Variants in MARK3 observed in about 807,000 individuals in gnomAD.
The protein encoded by MARK3 is MAP/microtubule affinity-regulating kinase 3.
MARK3 carries 46 observed loss-of-function variants against 90.1 expected under a neutral mutation model. The observed-to-expected ratio is 0.51, with a 90% CI of 0.40 to 0.65. The LOEUF is 0.65. Ranked by LOEUF, MARK3 falls within the 30% of genes least tolerant of loss-of-function variation. The probability of loss-of-function intolerance (pLI) is 0.00; values close to 1 mark genes in which losing one functional copy is unlikely to be tolerated. For synonymous variants in MARK3, 321 were observed against 332.6 expected, an observed-to-expected ratio of 0.97 and a Z score of 0.38; for missense variants, 818 against 947.2, an observed-to-expected ratio of 0.86 and a Z score of 1.79.
intron 2 of MARK3, among the ~76,000 whole-genome samples, chr14:103,405,504 C>T (rs914034390): frequency 3.3e-5 from 5 of 152,138 alleles, no homozygotes; most frequent in Non-Finnish European, 7.4e-5. Context: ...GTGCCCGCCA[C>T]CACACCCAGC....
At chr14:103,410,176 T>G (rs2091547105) in intron 2 of MARK3, among the ~76,000 whole-genome samples, 1 of 152,116 alleles carries the variant, frequency 6.6e-6, no homozygotes, top group African/African-American at 2.4e-5. Context: ...AGATAAGAAA[T>G]TTATTTCTTA....
At chr14:103,474,033 A>T (rs971288990) in intron 12 of MARK3, among the ~76,000 whole-genome samples, 1 of 117,168 alleles carries the variant, frequency 8.5e-6, no homozygotes, top group Non-Finnish European at 1.9e-5. Context: ...CGTCTCTACT[A>T]AAAAAAAAAA....
At chr14:103,463,409 C>T (rs894022450) in intron 7 of MARK3, among the ~76,000 whole-genome samples, 10 of 152,146 alleles carry the variant, frequency 6.6e-5, no homozygotes, top group African/African-American at 2.4e-4. Flanking sequence ...ACGGCCAGAG[C>T]ACTCTTCTGG....
At chr14:103,452,883 A>G (rs963135258) in intron 5 of MARK3, among the ~76,000 whole-genome samples, 20 of 152,192 alleles carry the variant, frequency 1.3e-4, no homozygotes, top group African/African-American at 1.2e-4. Flanking sequence ...ATAATACTCC[A>G]TTGTGTGTGT....
intron 14 of MARK3, among the ~76,000 whole-genome samples, chr14:103,487,356 A>T (rs1213584696): frequency 6.6e-6 from 1 of 151,840 alleles, no homozygotes; most frequent in Admixed American, 6.6e-5. Context: ...TAATGAGAAA[A>T]TAAATTTACA....
intron 3 of MARK3, among the ~76,000 whole-genome samples, chr14:103,442,681 A>G (rs1045589456): frequency 1.3e-5 from 2 of 152,226 alleles, no homozygotes; most frequent in Admixed American, 6.5e-5. Flanking sequence ...AAATTACAGT[A>G]TATCTAGGAA....
At chr14:103,462,488 A>G (rs1366159045) in intron 7 of MARK3, 27 bp downstream of exon 7, 12 of 1,557,544 alleles carry the variant, frequency 7.7e-6, no homozygotes, top group South Asian at 1.1e-5. Flanking sequence ...CACTCAGTGT[A>G]TGCTCTGTCT....
chr14:103,431,976 T>C (rs1951391), intron 3 of MARK3, among the ~76,000 whole-genome samples: 44,958 of 147,398 alleles, frequency 0.31, 7,113 homozygotes, highest in Middle Eastern at 0.44. Context: ...TGGAATTGTT[T>C]CCCCCCTCCC....
At chr14:103,434,658 C>T (rs1283263395) in intron 3 of MARK3, among the ~76,000 whole-genome samples, 1 of 152,168 alleles carries the variant, frequency 6.6e-6, no homozygotes, top group South Asian at 2.1e-4. Flanking sequence ...TCGAAATTTA[C>T]ATCAAGCTGT....
intron 3 of MARK3, among the ~76,000 whole-genome samples, chr14:103,442,729 A>T (rs2092889588): frequency 1.3e-5 from 2 of 152,358 alleles, no homozygotes; most frequent in South Asian, 4.1e-4. Context: ...CCTATGTAAT[A>T]CTGCTTTTTG....
intron 2 of MARK3, among the ~76,000 whole-genome samples, chr14:103,426,909 A>ATTTT (rs758359539): frequency 3.4e-5 from 5 of 145,838 alleles, no homozygotes; most frequent in African/African-American, 7.7e-5. Context: ...AAAAAAAAAA[A>ATTTT]TTTTTAAAGT....
At chr14:103,405,039 C>G (rs1382015836) in intron 1 of MARK3, 37 bp from the exon 2 acceptor site, 3 of 1,557,966 alleles carry the variant, frequency 1.9e-6, no homozygotes, top group East Asian at 2.3e-5. Context: ...ACTCTGTGTT[C>G]TCTCATTTCC....
In MARK3 at chr14:103,455,101, A is replaced by G. The variant is rs141273303; in HGVS notation, c.413-2041A>G. Among the ~76,000 whole-genome samples the G allele has an allele frequency of 5.5e-3, 843 of 152,342 alleles. 7 individuals carry two copies. The highest frequency in any genetic ancestry group is 0.019 in the African/African-American group (789 of 41,586). Reference sequence around the variant, plus strand: ...TATGAGTGTGACATATGGTTCCACAAATCTCTTAAGAGGTTTGTATTGAAT... The same window carrying G: ...TATGAGTGTGACATATGGTTCCACAGATCTCTTAAGAGGTTTGTATTGAAT... On this transcript the variant is annotated intron_variant, in intron 5 of 17. Transcript: ENST00000429436.
At chr14:103,494,530 G>C (rs867708870) in intron 15 of MARK3, among the ~76,000 whole-genome samples, 18 of 93,116 alleles carry the variant, frequency 1.9e-4, no homozygotes, top group African/African-American at 6.6e-4. Flanking sequence ...GGCAACAACA[G>C]TGAAACTCTG....
intron 2 of MARK3, chr14:103,412,802 G>T: frequency 2.5e-5 from 10 of 399,582 alleles, no homozygotes; most frequent in East Asian, 7.5e-5. Context: ...GGGTTTAGTT[G>T]GTTTTATAAA....
chr14:103,403,359 TGTGTG>T lies in MARK3; in HGVS notation c.52-1716_52-1712del, dbSNP rs1346785332. On this transcript the variant is annotated intron_variant, in intron 1 of 17. Transcript: ENST00000429436. ...GTGTGTGTGTGTGTGTGTGTGTGTG[TGTGTG>T]TGTGTGTGTAACTCAGTAAATATTC... Among the ~76,000 whole-genome samples the T allele has an allele frequency of 2.0e-5, 3 of 151,296 alleles. No homozygotes were observed. In the East Asian group the frequency reaches 5.8e-4, roughly 29 times the overall value.
At chr14:103,396,870 A>G (rs2090611863) in intron 1 of MARK3, among the ~76,000 whole-genome samples, 1 of 152,136 alleles carries the variant, frequency 6.6e-6, no homozygotes, top group African/African-American at 2.4e-5. Flanking sequence ...GCAACTAGCC[A>G]CATGTGGGGC....
At chr14:103,497,117 A>G (rs1024566446) in intron 15 of MARK3, among the ~76,000 whole-genome samples, 5 of 152,236 alleles carry the variant, frequency 3.3e-5, no homozygotes, top group African/African-American at 1.2e-4. Flanking sequence ...ATCATTTTCA[A>G]CTAAAATATT....
At chr14:103,400,005 T>G (rs2090855357) in intron 1 of MARK3, among the ~76,000 whole-genome samples, 1 of 151,146 alleles carries the variant, frequency 6.6e-6, no homozygotes, top group South Asian at 2.1e-4. Flanking sequence ...CTCAGCTCAC[T>G]GCAACTGTCG....
Sources: gnomAD v4.1 joint callset for allele counts (sites outside exome capture counted in the v4.1 genomes callset) on GRCh38, gnomAD v4.1.1 for gene constraint, MANE v1.5 for transcripts, NCBI Gene and HGNC (gene_info 2026-07-23, HGNC 2026-07-21) for gene names.